Variants in SHC4 observed in about 807,000 individuals in gnomAD.
SHC4 encodes the protein SHC adaptor protein 4.
A neutral mutation model predicts 69.4 loss-of-function variants in SHC4; 41 were observed. The ratio of observed to expected loss-of-function variants is 0.59; its 90% CI spans 0.46 to 0.77. The LOEUF is 0.77. Among genes scored for constraint, SHC4 ranks in the 30% least tolerant of loss-of-function variants. The pLI is 0.00. For missense variants in SHC4, 777 were observed against 783.8 expected, an observed-to-expected ratio of 0.99 and a Z score of 0.10; for synonymous variants, 318 against 299.3, an observed-to-expected ratio of 1.06 and a Z score of -0.64.
At chr15:48,913,817 A>G (rs1900561387) in intron 2 of SHC4, among the ~76,000 whole-genome samples, 4 of 152,158 alleles carry the variant, frequency 2.6e-5, no homozygotes, top group Admixed American at 2.6e-4. Flanking sequence ...CAGCTCTCCA[A>G]ATTGACTCAG....
intron 2 of SHC4, among the ~76,000 whole-genome samples, chr15:48,891,616 A>G (rs946120598): frequency 1.3e-5 from 2 of 152,216 alleles, no homozygotes; most frequent in Non-Finnish European, 2.9e-5. Flanking sequence ...CTTTGAACAC[A>G]TATATTAAAC....
intron 1 of SHC4, chr15:48,946,142 C>T (rs1238516907): frequency 6.6e-6 from 1 of 152,162 alleles, no homozygotes; most frequent in African/African-American, 2.4e-5. Context: ...TGAGTGTTGA[C>T]AATGTCTGTG....
intron 4 of SHC4, among the ~76,000 whole-genome samples, chr15:48,883,030 T>A (rs1381826597): frequency 6.6e-6 from 1 of 152,222 alleles, no homozygotes; most frequent in African/African-American, 2.4e-5. Context: ...TGTATACTAC[T>A]GCTTAAACAG....
intron 2 of SHC4, among the ~76,000 whole-genome samples, chr15:48,904,921 C>A (rs1476322538): frequency 7.1e-6 from 1 of 141,796 alleles, no homozygotes; most frequent in Non-Finnish European, 1.5e-5. Context: ...CACACGCACA[C>A]ACACACACAC....
chr15:48,960,654 TTGTC>T (rs57261570), intron 1 of SHC4, among the ~76,000 whole-genome samples: 2,285 of 152,294 alleles, frequency 0.015, 63 homozygotes, highest in African/African-American at 0.052. Context: ...GAGATCCTAA[TTGTC>T]TGTAATACAG....
At chr15:48,830,843 G>T (rs1213060457) in intron 11 of SHC4, among the ~76,000 whole-genome samples, 1 of 152,156 alleles carries the variant, frequency 6.6e-6, no homozygotes, top group Non-Finnish European at 1.5e-5. Flanking sequence ...TTTCTCAAGA[G>T]ACTCAAGCAG....
At chr15:48,911,590 A>G (rs920069975) in intron 2 of SHC4, among the ~76,000 whole-genome samples, 3 of 152,084 alleles carry the variant, frequency 2.0e-5, no homozygotes, top group African/African-American at 7.2e-5. Flanking sequence ...TGTGAGGTTT[A>G]GATTGAAGAG....
At chr15:48,826,648 C>T (rs567771899) in intron 11 of SHC4, among the ~76,000 whole-genome samples, 8 of 152,260 alleles carry the variant, frequency 5.3e-5, no homozygotes, top group African/African-American at 1.9e-4. Context: ...TGCAATCAGC[C>T]TCTTTGCAGT....
At chr15:48,852,915 A>AAAATAAATAAAT (rs35921296) in intron 8 of SHC4, among the ~76,000 whole-genome samples, 27 of 143,046 alleles carry the variant, frequency 1.9e-4, no homozygotes, top group South Asian at 1.5e-3. Context: ...AAAATATATA[A>AAAATAAATAAAT]AAATAAATAA....
chr15:48,835,072 T>C (rs758912210), intron 10 of SHC4, 50 bp from the exon 11 acceptor site: 3 of 1,544,544 alleles, frequency 1.9e-6, no homozygotes, highest in Non-Finnish European at 2.6e-6. Context: ...TCTTCATCCA[T>C]CCATTCATTC....
intron 9 of SHC4, 126 bp downstream of exon 9, chr15:48,851,062 A>C: frequency 1.2e-6 from 1 of 808,972 alleles, no homozygotes; most frequent in South Asian, 1.9e-5. Flanking sequence ...CTACAGTCAA[A>C]GGATTATGTG....
At chr15:48,889,309 C>T (rs1900091467) in intron 3 of SHC4, among the ~76,000 whole-genome samples, 1 of 152,224 alleles carries the variant, frequency 6.6e-6, no homozygotes, top group South Asian at 2.1e-4. Context: ...CAGAATGTTT[C>T]ATACCGTGTG....
intron 2 of SHC4, among the ~76,000 whole-genome samples, chr15:48,907,078 C>G (rs1400825593): frequency 1.3e-5 from 2 of 152,032 alleles, no homozygotes; most frequent in African/African-American, 2.4e-5. Context: ...GTTTATTTTA[C>G]TTACCAATTT....
chr15:48,865,732 C>T (rs990007138), intron 6 of SHC4, among the ~76,000 whole-genome samples: 4 of 152,136 alleles, frequency 2.6e-5, no homozygotes, highest in African/African-American at 9.7e-5. Context: ...GTTTCTGTCC[C>T]TCACCTCCCA....
intron 4 of SHC4, among the ~76,000 whole-genome samples, chr15:48,883,779 TC>T (rs1386761728): frequency 6.6e-6 from 1 of 152,204 alleles, no homozygotes; most frequent in East Asian, 1.9e-4. Context: ...AGAAAGCTTC[TC>T]AACCACAAGA....
chr15:48,860,437 G>A (rs1212651295), intron 6 of SHC4, among the ~76,000 whole-genome samples: 1 of 152,154 alleles, frequency 6.6e-6, no homozygotes, highest in Non-Finnish European at 1.5e-5. Flanking sequence ...AACCTGGGAG[G>A]CAGAGGTTGC....
intron 1 of SHC4, among the ~76,000 whole-genome samples, chr15:48,937,874 C>T (rs1454837484): frequency 6.6e-6 from 1 of 152,172 alleles, no homozygotes; most frequent in Non-Finnish European, 1.5e-5. Context: ...TTCTCCTTGA[C>T]CAAAATATTC....
chr15:48,848,012 A>AC (rs1231435088), intron 9 of SHC4, among the ~76,000 whole-genome samples: 1 of 151,274 alleles, frequency 6.6e-6, no homozygotes, highest in Non-Finnish European at 1.5e-5. Context: ...AAAAAAAAAA[A>AC]AAAAACAAAA....
At position 48,825,391 on chromosome 15, in the gene SHC4, C is replaced by A. The variant is rs1448445679; in HGVS notation, c.*580G>T. ...CATGTTAGTGGCTTTTGATTTGATT[C>A]CACTGACATACACACAGTTCGAATT... On this transcript the variant is annotated 3_prime_UTR_variant, in exon 12 of 12. Transcript: ENST00000332408. 1 of 152,204 alleles carries A rather than the reference C, an allele frequency of 6.6e-6. No individual in the cohort carries two copies. Among genetic ancestry groups the A allele is most frequent in the Non-Finnish European group, 1.5e-5 (1 of 68,082 alleles). 9.4% of individuals were successfully genotyped at this position (152,204 alleles called of 1,614,324 possible). A position where few individuals can be genotyped will look rare whatever the true frequency, so the allele number is the denominator to read the frequency against.
Sources: gnomAD v4.1 joint callset for allele counts (sites outside exome capture counted in the v4.1 genomes callset) on GRCh38, gnomAD v4.1.1 for gene constraint, MANE v1.5 for transcripts, NCBI Gene and HGNC (gene_info 2026-07-23, HGNC 2026-07-21) for gene names.